PTPRG: variants seen among roughly 807,000 people sequenced by gnomAD.
PTPRG encodes the protein protein tyrosine phosphatase receptor type G.
A neutral mutation model predicts 165.3 loss-of-function variants in PTPRG; 102 were observed. The ratio of observed to expected loss-of-function variants is 0.62; its 90% CI spans 0.53 to 0.73. The LOEUF is 0.73. Among genes scored for constraint, PTPRG ranks in the 30% least tolerant of loss-of-function variants. The pLI, the probability that PTPRG is intolerant of heterozygous loss-of-function variation, is 0.00. For synonymous variants in PTPRG, 675 were observed against 669.5 expected, an observed-to-expected ratio of 1.01 and a Z score of -0.13; for missense variants, 1,866 against 1,861.4, an observed-to-expected ratio of 1.00 and a Z score of -0.05.
intron 4 of PTPRG, among the ~76,000 whole-genome samples, chr3:62,072,745 A>G (rs1357618079): frequency 1.3e-5 from 2 of 152,132 alleles, no homozygotes; most frequent in Non-Finnish European, 2.9e-5. Context: ...CTTCCCTTGC[A>G]AAAGAGAGGC....
chr3:61,954,178 C>G (rs542720420), intron 2 of PTPRG, among the ~76,000 whole-genome samples: 1 of 152,258 alleles, frequency 6.6e-6, no homozygotes, highest in African/African-American at 2.4e-5. Context: ...CCCGCCTCCA[C>G]CAAACATACT....
chr3:61,755,749 G>A (rs988750230), intron 2 of PTPRG, among the ~76,000 whole-genome samples: 17 of 152,168 alleles, frequency 1.1e-4, no homozygotes, highest in African/African-American at 4.1e-4. Context: ...CATGTGGTCG[G>A]GTGGAGAAAG....
rs777957147 is a variant in PTPRG, at chr3:62,282,797, G to A, written c.3983G>A (p.Ser1328Asn). The change falls in exon 28 of 30, where the codon AGT becomes AAT. Residue 1328 changes from serine (S) to asparagine (N), a missense_variant. Coordinates refer to ENST00000474889, the MANE Select transcript of PTPRG (RefSeq NM_002841.4). ...CCTAACCCAGATGCCCCCATAAGTAGTACCTTTGAACTTATCAACGTCATC... is the reference window on the plus strand; with the variant it reads ...CCTAACCCAGATGCCCCCATAAGTAATACCTTTGAACTTATCAACGTCATC... ...KWPNPDAPIS[S>N]TFELINVIKE... 1.2e-6 allele frequency: 2 copies of A among 1,612,280 alleles called. No homozygotes were observed. Among genetic ancestry groups the A allele is most frequent in the Admixed American group, 1.7e-5 (1 of 59,870 alleles).
At chr3:61,656,710 A>G (rs1403179526) in intron 1 of PTPRG, among the ~76,000 whole-genome samples, 1 of 152,236 alleles carries the variant, frequency 6.6e-6, no homozygotes, top group Non-Finnish European at 1.5e-5. Flanking sequence ...TGCCTGGGTC[A>G]TGTCCAACAT....
At chr3:61,804,366 T>C (rs2035345309) in intron 2 of PTPRG, among the ~76,000 whole-genome samples, 1 of 152,220 alleles carries the variant, frequency 6.6e-6, no homozygotes, top group African/African-American at 2.4e-5. Context: ...TACTGGGATG[T>C]GAGCTCTGTC....
At chr3:62,278,873 G>C (rs959249979) in intron 26 of PTPRG, among the ~76,000 whole-genome samples, 2 of 152,030 alleles carry the variant, frequency 1.3e-5, no homozygotes, top group African/African-American at 2.4e-5. Context: ...TTTGTTGGAT[G>C]AATCAGTATT....
intron 2 of PTPRG, among the ~76,000 whole-genome samples, chr3:61,897,528 T>C (rs914287774): frequency 6.6e-6 from 1 of 152,196 alleles, no homozygotes; most frequent in Non-Finnish European, 1.5e-5. Flanking sequence ...AAGATTCTTC[T>C]CTCTCGATTG....
chr3:62,061,394 C>T (rs753491161), intron 4 of PTPRG, among the ~76,000 whole-genome samples: 2 of 108,334 alleles, frequency 1.8e-5, no homozygotes, highest in Admixed American at 8.7e-5. Flanking sequence ...ACTCTGTAAC[C>T]TGATTATTGG....
intron 9 of PTPRG, among the ~76,000 whole-genome samples, chr3:62,192,467 G>A (rs755331818): frequency 4.3e-5 from 6 of 139,014 alleles, no homozygotes; most frequent in Non-Finnish European, 4.5e-5. Flanking sequence ...GGAGTGCAGT[G>A]GCGCAATCTC....
intron 2 of PTPRG, among the ~76,000 whole-genome samples, chr3:61,848,286 G>A (rs953402091): frequency 2.0e-5 from 3 of 152,222 alleles, no homozygotes; most frequent in African/African-American, 7.2e-5. Flanking sequence ...TGTGACTGCT[G>A]GGTGGGGCTG....
At chr3:62,155,248 A>G (rs1337519764) in intron 6 of PTPRG, among the ~76,000 whole-genome samples, 1 of 152,254 alleles carries the variant, frequency 6.6e-6, no homozygotes. Flanking sequence ...GAATCAGCCA[A>G]GGTTTCTGAG....
intron 1 of PTPRG, among the ~76,000 whole-genome samples, chr3:61,730,625 T>C (rs2032455444): frequency 6.6e-6 from 1 of 152,158 alleles, no homozygotes; most frequent in Non-Finnish European, 1.5e-5. Flanking sequence ...TCCATCCACA[T>C]TTTAAACCAG....
At chr3:62,003,858 A>G (rs2041231131) in intron 4 of PTPRG, among the ~76,000 whole-genome samples, 1 of 152,224 alleles carries the variant, frequency 6.6e-6, no homozygotes, top group Admixed American at 6.5e-5. Flanking sequence ...AGAAAATAGA[A>G]AAGTTGGCAA....
intron 2 of PTPRG, among the ~76,000 whole-genome samples, chr3:61,969,069 T>G (rs2040332381): frequency 6.6e-6 from 1 of 152,216 alleles, no homozygotes; most frequent in South Asian, 2.1e-4. Context: ...CATGTATCAG[T>G]TTATACATCC....
chr3:61,934,291 T>C (rs2107590841), intron 2 of PTPRG, among the ~76,000 whole-genome samples: 1 of 152,318 alleles, frequency 6.6e-6, no homozygotes, highest in Non-Finnish European at 1.5e-5. Flanking sequence ...AGATGGATGC[T>C]TAAGTAATCT....
At chr3:61,593,268 C>T (rs1700618434) in intron 1 of PTPRG, among the ~76,000 whole-genome samples, 1 of 152,148 alleles carries the variant, frequency 6.6e-6, no homozygotes, top group African/African-American at 2.4e-5. Flanking sequence ...AGGGCTCACA[C>T]CTTTGAAACC....
chr3:62,095,527 A>G (rs945207466), intron 5 of PTPRG, among the ~76,000 whole-genome samples: 1 of 152,148 alleles, frequency 6.6e-6, no homozygotes, highest in African/African-American at 2.4e-5. Context: ...TTCATCAGCT[A>G]TTTCTTGTAG....
intron 6 of PTPRG, among the ~76,000 whole-genome samples, chr3:62,155,908 C>T (rs1296770994): frequency 6.6e-6 from 1 of 152,066 alleles, no homozygotes; most frequent in African/African-American, 2.4e-5. Context: ...CTGGTGGAAG[C>T]CATGAAGGAG....
rs986022504 is a variant in PTPRG at position 62,243,397 on chromosome 3, G to T, written c.2376-410G>T. On this transcript the variant is annotated intron_variant, in intron 14 of 29. Coordinates refer to ENST00000474889, the MANE Select transcript of PTPRG (RefSeq NM_002841.4). ...CTTGGGCTGTTTGATGACGATGTTG[G>T]AAGGGGATATAAGGTGTGGTTTTGA... is the stretch of plus-strand genomic sequence containing the variant. Among the ~76,000 whole-genome samples the T allele has an allele frequency of 2.6e-5, 4 of 152,130 alleles. No homozygotes were observed. The South Asian group carries it at 8.3e-4, about 32-fold the overall frequency.
Sources: allele counts gnomAD v4.1 joint callset (sites outside exome capture counted in the v4.1 genomes callset), GRCh38; gene constraint gnomAD v4.1.1; transcripts MANE v1.5; gene names NCBI Gene and HGNC (gene_info 2026-07-23, HGNC 2026-07-21).